Variants in EIF2AK2 observed in about 807,000 individuals in gnomAD.
EIF2AK2 encodes the protein interferon-induced, double-stranded RNA-activated protein kinase.
Under a neutral mutation model 70.5 loss-of-function variants are expected in EIF2AK2, and 40 were observed. The observed-to-expected ratio is 0.57, with a 90% CI of 0.44 to 0.74. The LOEUF (loss-of-function observed/expected upper bound fraction) is 0.74, where lower values mean the gene tolerates loss of function less well. Among genes scored for constraint, EIF2AK2 ranks in the 30% least tolerant of loss-of-function variants. The pLI, the probability that EIF2AK2 is intolerant of heterozygous loss-of-function variation, is 0.00. For missense variants in EIF2AK2, 555 were observed against 644.3 expected (o/e 0.86, Z 1.50); for synonymous variants, 198 against 220.9 (o/e 0.90, Z 0.92).
intron 10 of EIF2AK2, among the ~76,000 whole-genome samples, chr2:37,127,805 C>T (rs111727922): frequency 8.7e-5 from 13 of 149,456 alleles, no homozygotes; most frequent in East Asian, 7.9e-4. Context: ...TACAGTGGTG[C>T]GATCTCCGCT....
intron 11 of EIF2AK2, among the ~76,000 whole-genome samples, chr2:37,124,830 T>A (rs573303181): frequency 6.6e-6 from 1 of 151,388 alleles, no homozygotes; most frequent in East Asian, 1.9e-4. Flanking sequence ...TGGGCTCAAA[T>A]GGTCCTCCCA....
At chr2:37,122,772 T>A in intron 11 of EIF2AK2, 108 bp from the exon 12 acceptor site, 2 of 1,387,822 alleles carry the variant, frequency 1.4e-6, no homozygotes, top group Non-Finnish European at 2.0e-6. Context: ...ATTAAACCAT[T>A]GCTGTGGTTC....
chr2:37,154,556 A>G (rs1284758921), intron 1 of EIF2AK2, among the ~76,000 whole-genome samples: 1 of 149,516 alleles, frequency 6.7e-6, no homozygotes, highest in Non-Finnish European at 1.5e-5. Flanking sequence ...TAAGACACCC[A>G]CTCTCCTAGT....
chr2:37,124,313 G>A (rs1010319867), intron 11 of EIF2AK2, among the ~76,000 whole-genome samples: 20 of 151,800 alleles, frequency 1.3e-4, no homozygotes, highest in Non-Finnish European at 8.8e-5. Context: ...CCAGGCTGGA[G>A]TGCAATGGCG....
chr2:37,106,414 T>G lies in EIF2AK2; in HGVS notation c.*859A>C, dbSNP rs561026881. 2 of 152,362 alleles carry G rather than the reference T, an allele frequency of 1.3e-5. No homozygotes were observed. The highest frequency in any genetic ancestry group is 4.8e-5 in the African/African-American group (2 of 41,584). The allele number at this position is 152,362 out of a possible 1,614,324, so 9.4% of individuals were successfully genotyped here. On this transcript the variant is annotated 3_prime_UTR_variant, in exon 17 of 17. Coordinates refer to ENST00000233057, the MANE Select transcript of EIF2AK2 (RefSeq NM_001135651.3). Reference sequence around the variant, plus strand: ...TCCATTCTTCTTTTGATGTGCATTATGGTTGTTCCCTGTTCTTTTGGCTAT... The same window carrying G: ...TCCATTCTTCTTTTGATGTGCATTAGGGTTGTTCCCTGTTCTTTTGGCTAT...
chr2:37,127,122 T>C (rs1461255066), intron 10 of EIF2AK2, among the ~76,000 whole-genome samples: 2 of 151,858 alleles, frequency 1.3e-5, no homozygotes, highest in African/African-American at 4.8e-5. Context: ...CCTGCCTAGG[T>C]TTCTACTTGG....
Position 37,119,966 on chromosome 2 carries a change from T to G in EIF2AK2, c.1241A>C (p.Asp414Ala). Residue 414 changes from aspartate to alanine, a missense_variant, in exon 13 of 17, where the codon GAT (aspartate) becomes GCT (alanine). Physicochemically the swap from Asp to Ala is moderately radical, Grantham distance 126. Around this residue, in one of 3 missense-constraint regions of EIF2AK2, gnomAD observed 299 missense variants for 375.4 expected, o/e 0.80. Transcript: ENST00000233057. ...YIHSKKLIHR[D>A]LKPSNIFLVD... ...AGTACATTTTCCACTTACCTTAAGA[T>G]CTCTATGAATTAATTTTTTTGAATG... 7.0e-7 allele frequency: 1 copy of G among 1,436,154 alleles called. No homozygotes were observed. The highest frequency in any genetic ancestry group is 9.3e-7 in the Non-Finnish European group (1 of 1,080,944). 89.0% of individuals were successfully genotyped at this position (1,436,154 alleles called of 1,614,324 possible). A position where few individuals can be genotyped will look rare whatever the true frequency, so the allele number is the denominator to read the frequency against.
rs1341191863 is a variant in EIF2AK2, at chr2:37,122,491, T to C, written c.1067+15A>G. On this transcript the variant is annotated intron_variant, in intron 12 of 16. Transcript: ENST00000233057. ...TTCCATCCTATTATGGCTATGAGAA[T>C]TTATTTTTAGTTACCTTGAACTATT... 6.2e-7 allele frequency: 1 copy of C among 1,611,812 alleles called. No homozygotes were observed. The highest frequency in any genetic ancestry group is 8.5e-7 in the Non-Finnish European group (1 of 1,179,418).
chr2:37,148,833 C>T (rs1558431211), intron 2 of EIF2AK2, 24 bp downstream of exon 2: 1 of 839,550 alleles, frequency 1.2e-6, no homozygotes, highest in Non-Finnish European at 2.1e-6. Context: ...TTTCTGAGTG[C>T]AAAATTCGGA....
chr2:37,153,194 T>C (rs903603123), intron 1 of EIF2AK2, among the ~76,000 whole-genome samples: 4 of 152,164 alleles, frequency 2.6e-5, no homozygotes, highest in African/African-American at 9.7e-5. Flanking sequence ...TTCAATGTAT[T>C]AATTCCCTGC....
chr2:37,145,742 CTTTTTTTTTTTTTTTTTTTTTTT>C (rs56051707), intron 4 of EIF2AK2, among the ~76,000 whole-genome samples: 3 of 51,198 alleles, frequency 5.9e-5, no homozygotes, highest in African/African-American at 8.1e-5. Context: ...TTTTGCTTGT[CTTTTTTTTTTTTTTTTTTTTTTT>C]TTTTTTTTTT....
intron 10 of EIF2AK2, among the ~76,000 whole-genome samples, chr2:37,133,702 G>A (rs1675028048): frequency 6.6e-6 from 1 of 152,184 alleles, no homozygotes; most frequent in African/African-American, 2.4e-5. Context: ...GGAGGAAAAG[G>A]AAGAGAAATT....
At position 37,107,029 on chromosome 2, in the gene EIF2AK2, G is replaced by A. The variant is rs556831739; in HGVS notation, c.*244C>T. ...TGCACTCCAGCCTGGGCAACAGAGC[G>A]AGACTCTGTCTTTAAAAAAAAAAAA... On this transcript the variant is annotated 3_prime_UTR_variant, in exon 17 of 17. Transcript: ENST00000233057. 18 of 322,498 alleles carry A rather than the reference G, an allele frequency of 5.6e-5. No individual in the cohort carries two copies. Among genetic ancestry groups the A allele is most frequent in the East Asian group, 3.7e-4 (5 of 13,442 alleles). 20.0% of individuals were successfully genotyped at this position (322,498 alleles called of 1,614,324 possible).
At chr2:37,138,021 A>T (rs1203416150) in intron 8 of EIF2AK2, among the ~76,000 whole-genome samples, 1 of 151,698 alleles carries the variant, frequency 6.6e-6, no homozygotes, top group African/African-American at 2.4e-5. Context: ...GAGGCAGGAG[A>T]ATCGCTTGAA....
At chr2:37,111,514 T>C (rs1019524497) in intron 14 of EIF2AK2, among the ~76,000 whole-genome samples, 8 of 151,640 alleles carry the variant, frequency 5.3e-5, no homozygotes, top group Non-Finnish European at 1.2e-4. Flanking sequence ...TGGAATCTCA[T>C]TTTAATAGCA....
rs549560138 is a variant in EIF2AK2, at chr2:37,148,884, C to T, written c.-44G>A. Reference sequence around the variant, plus strand: ...GGTTGGAAGCTTTGTCCAAAATGCACGCAGATAATCACGGAAGTGTGGATG... The same window carrying T: ...GGTTGGAAGCTTTGTCCAAAATGCATGCAGATAATCACGGAAGTGTGGATG... On this transcript the variant is annotated 5_prime_UTR_variant, in exon 2 of 17. The change creates a new upstream start codon in the 5' untranslated region. Transcript: ENST00000233057. 27 of 833,882 alleles carry T rather than the reference C, an allele frequency of 3.2e-5. No individual in the cohort carries two copies. Among genetic ancestry groups the T allele is most frequent in the South Asian group, 2.7e-4 (20 of 74,850 alleles). The allele number at this position is 833,882 out of a possible 1,614,324, so 51.7% of individuals were successfully genotyped here.
rs1673820849 is a variant in EIF2AK2 at position 37,101,278 on chromosome 2, C to T, written c.*5995G>A. The stretch of plus-strand genomic sequence containing the variant: ...TTTGATAAATATTTATCGCATCTTT[C>T]CCATTCAGATTTAGAGAAAGTTCCT... On this transcript the variant is annotated 3_prime_UTR_variant, in exon 17 of 17. Transcript: ENST00000233057. 6.6e-6 allele frequency: 1 copy of T among 152,152 alleles called. No individual in the cohort carries two copies. The highest frequency in any genetic ancestry group is 1.5e-5 in the Non-Finnish European group (1 of 68,014). The allele number at this position is 152,152 out of a possible 1,614,324, so 9.4% of individuals were successfully genotyped here. A position where few individuals can be genotyped will look rare whatever the true frequency, so the allele number is the denominator to read the frequency against.
intron 6 of EIF2AK2, among the ~76,000 whole-genome samples, chr2:37,139,313 TCA>T (rs1675241945): frequency 9.2e-6 from 1 of 109,100 alleles, no homozygotes; most frequent in African/African-American, 3.6e-5. Flanking sequence ...AGATTCCATC[TCA>T]AAAAAAAAAA....
At chr2:37,116,396 A>G (rs1269887788) in intron 13 of EIF2AK2, among the ~76,000 whole-genome samples, 1 of 152,126 alleles carries the variant, frequency 6.6e-6, no homozygotes, top group African/African-American at 2.4e-5. Context: ...CCAATATTCT[A>G]AAGACCACAA....
Sources: gnomAD v4.1 joint callset for allele counts (sites outside exome capture counted in the v4.1 genomes callset) on GRCh38, gnomAD v4.1.1 for gene constraint, gnomAD v4.1.1 regional missense constraint, MANE v1.5 for transcripts, NCBI Gene and HGNC (gene_info 2026-07-23, HGNC 2026-07-21) for gene names.